SLC5A7: variants seen among roughly 807,000 people sequenced by gnomAD.
SLC5A7 encodes high affinity choline transporter 1.
A neutral mutation model predicts 55.4 loss-of-function variants in SLC5A7; 19 were observed. The ratio of observed to expected loss-of-function variants is 0.34; its 90% confidence interval spans 0.24 to 0.50. The LOEUF is 0.50. Ranked by LOEUF, SLC5A7 falls within the 20% of genes least tolerant of loss-of-function variation. SLC5A7 has a pLI of 0.98. For synonymous variants in SLC5A7, 265 were observed against 263.7 expected (o/e 1.00, Z -0.05); for missense variants, 506 against 705.3 (o/e 0.72, Z 3.20).
At chr2:107,992,407 T>A (rs1239926736) in intron 3 of SLC5A7, among the ~76,000 whole-genome samples, 188 bp downstream of exon 3, 1 of 152,176 alleles carries the variant, frequency 6.6e-6, no homozygotes, top group East Asian at 1.9e-4. Flanking sequence ...TTATTTGATC[T>A]CTTGGTTAGG....
At chr2:107,989,424 C>G (rs1157886495) in intron 2 of SLC5A7, among the ~76,000 whole-genome samples, 2 of 152,200 alleles carry the variant, frequency 1.3e-5, no homozygotes, top group African/African-American at 4.8e-5. Flanking sequence ...CTGAAACTTA[C>G]AGTGTTCTAT....
chr2:107,988,766 A>G (rs1008096915), intron 2 of SLC5A7, among the ~76,000 whole-genome samples: 3 of 152,244 alleles, frequency 2.0e-5, no homozygotes, highest in Non-Finnish European at 4.4e-5. Context: ...ATAAGTGCCA[A>G]TGAATACCAT....
intron 4 of SLC5A7, among the ~76,000 whole-genome samples, chr2:107,995,754 A>T (rs1677647849): frequency 6.6e-6 from 1 of 152,170 alleles, no homozygotes; most frequent in South Asian, 2.1e-4. Context: ...ACATAGGAGA[A>T]TCTTAAACTA....
chr2:107,994,033 G>A (rs1423052007), intron 4 of SLC5A7, among the ~76,000 whole-genome samples: 2 of 152,086 alleles, frequency 1.3e-5, no homozygotes, highest in Non-Finnish European at 2.9e-5. Context: ...ATGCCTTAGC[G>A]TCTCCTCGAC....
rs1466864924 is a variant in SLC5A7 at position 108,008,681 on chromosome 2, A to G, written c.1112A>G (p.Asn371Ser). The G allele has an allele frequency of 6.2e-7, 1 of 1,611,530 alleles. No individual in the cohort carries two copies. The highest frequency in any genetic ancestry group is 8.5e-7 in the Non-Finnish European group (1 of 1,178,918). ...ATCTACCAGCTTTCCTTCAGACAAA[A>G]TGTAAGAACAGTTTCTTTCAACCTG... is the stretch of plus-strand genomic sequence containing the variant. The part of the protein sequence containing the change: ...RNIYQLSFRQ[N>S]ASDKEIVWVM... Residue 371 changes from asparagine (N) to serine (S), a missense_variant and splice_region_variant, in exon 8 of 9, where the codon AAT becomes AGT. By Grantham distance (46) the Asn-to-Ser change is conservative. Coordinates refer to ENST00000264047, the MANE Select transcript of SLC5A7 (RefSeq NM_021815.5).
chr2:107,995,466 A>AGTGTGTGT (rs1428541581), intron 4 of SLC5A7, among the ~76,000 whole-genome samples: 1 of 127,334 alleles, frequency 7.9e-6, no homozygotes, highest in East Asian at 2.5e-4. Flanking sequence ...AGAGAGAGAG[A>AGTGTGTGT]GAGAGTGTGT....
At chr2:107,991,481 A>G (rs1677450724) in intron 2 of SLC5A7, among the ~76,000 whole-genome samples, 1 of 152,198 alleles carries the variant, frequency 6.6e-6, no homozygotes, top group Non-Finnish European at 1.5e-5. Flanking sequence ...GGTAGTAAGT[A>G]CAACTTAGTG....
chr2:107,994,148 C>T (rs1264108770), intron 4 of SLC5A7, among the ~76,000 whole-genome samples: 1 of 152,148 alleles, frequency 6.6e-6, no homozygotes. Flanking sequence ...GATGGAAGCT[C>T]CCCATAAAGG....
In SLC5A7 at chr2:107,989,725, C is replaced by T. The variant is rs187245957; in HGVS notation, c.178+1392C>T. ...TTCACTTTATTTCTTTCAAAAGGTG[C>T]ACAGTTTGTAAACACTGCAGAAAGA... On this transcript the variant is annotated intron_variant, in intron 2 of 8. Transcript: ENST00000264047. Among the ~76,000 whole-genome samples, 42 of 152,258 alleles carry T rather than the reference C, an allele frequency of 2.8e-4. No homozygotes were observed. In the Middle Eastern group the frequency reaches 0.01, roughly 37 times the overall value.
At position 108,010,262 on chromosome 2, in the gene SLC5A7, C is replaced by T. The variant is rs751468033; in HGVS notation, c.1144C>T (p.Arg382Ter). ...GGACAAAGAAATCGTTTGGGTTATGCGAATCACAGTGTTTGTGTTTGGAGC... is the reference window on the plus strand; with the variant it reads ...GGACAAAGAAATCGTTTGGGTTATGTGAATCACAGTGTTTGTGTTTGGAGC... ...ASDKEIVWVM[R>*]ITVFVFGASA... is the part of the protein sequence containing the mutation. Residue 382 changes from arginine (R) to a stop codon, truncating the protein, a stop_gained, in exon 9 of 9, where the codon CGA becomes TGA. Coordinates refer to ENST00000264047, the MANE Select transcript of SLC5A7 (RefSeq NM_021815.5). LOFTEE classifies it high-confidence loss of function. 4.3e-6 allele frequency: 7 copies of T among 1,613,414 alleles called. No homozygotes were observed. The highest frequency in any genetic ancestry group is 1.7e-5 in the Admixed American group (1 of 59,908).
At chr2:107,997,444 A>G (rs781170426) in intron 4 of SLC5A7, among the ~76,000 whole-genome samples, 1 of 152,202 alleles carries the variant, frequency 6.6e-6, no homozygotes, top group South Asian at 2.1e-4. Flanking sequence ...TCACCTAACA[A>G]CACATTTCTC....
chr2:108,010,123 A>G, intron 8 of SLC5A7, 109 bp from the exon 9 acceptor site: 1 of 1,341,076 alleles, frequency 7.5e-7, no homozygotes, highest in Non-Finnish European at 1.0e-6. Context: ...AGCCATTTGA[A>G]CCAGGAGAAT....
intron 8 of SLC5A7, among the ~76,000 whole-genome samples, chr2:108,009,763 A>G (rs1573617064): frequency 6.6e-6 from 1 of 152,202 alleles, no homozygotes; most frequent in Non-Finnish European, 1.5e-5. Context: ...ATAGTGCTGC[A>G]ATAAACGTAT....
At chr2:108,009,902 A>G (rs571075985) in intron 8 of SLC5A7, among the ~76,000 whole-genome samples, 1 of 152,272 alleles carries the variant, frequency 6.6e-6, no homozygotes, top group Admixed American at 6.5e-5. Context: ...CCTAATATGT[A>G]AAGTGAGGAA....
chr2:108,005,639 T>C (rs1157579413), intron 6 of SLC5A7, among the ~76,000 whole-genome samples: 1 of 152,214 alleles, frequency 6.6e-6, no homozygotes, highest in Non-Finnish European at 1.5e-5. Flanking sequence ...GTTTTTCACA[T>C]CGCTGGGAAG....
chr2:108,006,111 C>G lies in SLC5A7; in HGVS notation c.804C>G (p.Thr268=), dbSNP rs1271767988. The change falls in exon 7 of 9, where the codon ACC becomes ACG. Residue 268 remains threonine, a synonymous_variant. Transcript: ENST00000264047. ...FQRVLSSSSA[T]YAQVLSFLAA... ...GGGTTCTCTCTTCTTCCTCAGCCAC[C>G]TATGCTCAAGTGCTGTCCTTCCTGG... 1 of 1,614,152 alleles carries G rather than the reference C, an allele frequency of 6.2e-7. No homozygotes were observed. The highest frequency in any genetic ancestry group is 8.5e-7 in the Non-Finnish European group (1 of 1,180,016).
intron 4 of SLC5A7, among the ~76,000 whole-genome samples, chr2:107,993,337 A>G (rs1677528629): frequency 6.6e-6 from 1 of 152,218 alleles, no homozygotes; most frequent in Non-Finnish European, 1.5e-5. Context: ...TACACTTTCC[A>G]TACTTGAATT....
intron 4 of SLC5A7, among the ~76,000 whole-genome samples, chr2:107,997,023 A>G (rs1471210697): frequency 6.6e-6 from 1 of 152,224 alleles, no homozygotes; most frequent in East Asian, 1.9e-4. Flanking sequence ...GTTAGCTATC[A>G]AAGCCTAGTA....
At chr2:108,006,833 C>T (rs1012458604) in intron 7 of SLC5A7, among the ~76,000 whole-genome samples, 10 of 152,156 alleles carry the variant, frequency 6.6e-5, no homozygotes, top group African/African-American at 1.9e-4. Context: ...ATCCTCATGA[C>T]CTCCCTAAAG....
Sources: gnomAD v4.1 joint callset for allele counts (sites outside exome capture counted in the v4.1 genomes callset) on GRCh38, gnomAD v4.1.1 for gene constraint, MANE v1.5 for transcripts, NCBI Gene and HGNC (gene_info 2026-07-23, HGNC 2026-07-21) for gene names.